The following ADPRHL1 variants were observed in gnomAD, a reference collection of about 807,000 sequenced individuals.
ADPRHL1 encodes the protein ADP-ribosylhydrolase like 1.
Under a neutral mutation model 44.1 loss-of-function variants are expected in ADPRHL1, and 43 were observed. That is an observed-to-expected ratio of 0.98 (90% CI 0.76 to 1.26). ADPRHL1 has a LOEUF of 1.26. Ranked by LOEUF, ADPRHL1 falls within the 50% of genes most tolerant of loss-of-function variation. ADPRHL1 has a pLI of 0.00. For missense variants in ADPRHL1, 2,022 were observed against 2,496.9 expected, an observed-to-expected ratio of 0.81 and a Z score of 4.05; for synonymous variants, 878 against 1,017.4, an observed-to-expected ratio of 0.86 and a Z score of 2.61.
chr13:113,450,888 C>G (rs1006461800), intron 1 of ADPRHL1, among the ~76,000 whole-genome samples: 13 of 152,004 alleles, frequency 8.6e-5, no homozygotes, highest in Non-Finnish European at 1.6e-4. Flanking sequence ...GAGCCTGACT[C>G]ATGTCAGGCC....
chr13:113,415,417 C>T (rs915466370), intron 7 of ADPRHL1, among the ~76,000 whole-genome samples: 2 of 152,166 alleles, frequency 1.3e-5, no homozygotes, highest in Non-Finnish European at 2.9e-5. Flanking sequence ...GGCTCAGTGG[C>T]CGGCTCCAGG....
At chr13:113,448,942 A>G in intron 1 of ADPRHL1, 2 of 985,470 alleles carry the variant, frequency 2.0e-6, no homozygotes, top group Non-Finnish European at 2.4e-6. Flanking sequence ...ATACCCGAGC[A>G]ATGGCCGAGC....
chr13:113,414,176 C>T (rs995549768), intron 7 of ADPRHL1, among the ~76,000 whole-genome samples: 5 of 152,204 alleles, frequency 3.3e-5, no homozygotes, highest in Non-Finnish European at 5.9e-5. Context: ...GGGCCTGCAA[C>T]TGTCTGGCTG....
intron 4 of ADPRHL1, among the ~76,000 whole-genome samples, chr13:113,425,710 T>A (rs2043963818): frequency 7.5e-6 from 1 of 133,618 alleles, no homozygotes; most frequent in Admixed American, 7.8e-5. Flanking sequence ...AGACGGAGTC[T>A]CTCTCTGTTG....
chr13:113,444,700 GCAAAC>G, intron 1 of ADPRHL1, 111 bp from the exon 2 acceptor site: 1 of 1,309,482 alleles, frequency 7.6e-7, no homozygotes, highest in Non-Finnish European at 1.1e-6. Flanking sequence ...GGCAGACACT[GCAAAC>G]TCTGCCTCCC....
chr13:113,424,519 A>G (rs1226892980), intron 5 of ADPRHL1, among the ~76,000 whole-genome samples, 170 bp from the exon 6 acceptor site: 1 of 152,026 alleles, frequency 6.6e-6, no homozygotes, highest in African/African-American at 2.4e-5. Flanking sequence ...CAATGATACA[A>G]TCTCAGCTCA....
chr13:113,428,874 G>A, intron 4 of ADPRHL1, 78 bp downstream of exon 4: 2 of 1,587,894 alleles, frequency 1.3e-6, no homozygotes. Flanking sequence ...GTGCCTTGAA[G>A]TATTTGGGGG....
At chr13:113,424,089 G>A (rs778795138) in intron 6 of ADPRHL1, 128 bp downstream of exon 6, 7 of 1,309,198 alleles carry the variant, frequency 5.3e-6, no homozygotes, top group Non-Finnish European at 7.2e-6. Context: ...GAAAGGAAGA[G>A]ATGGACGCAC....
At chr13:113,427,560 C>A (rs1356079521) in intron 4 of ADPRHL1, among the ~76,000 whole-genome samples, 1 of 150,764 alleles carries the variant, frequency 6.6e-6, no homozygotes, top group Non-Finnish European at 1.5e-5. Context: ...TTTTTTGAGA[C>A]GGAGTCTCTG....
chr13:113,421,359 A>G (rs1339081378), intron 7 of ADPRHL1, among the ~76,000 whole-genome samples: 1 of 119,662 alleles, frequency 8.4e-6, no homozygotes, highest in South Asian at 3.0e-4. Context: ...CACTCCCGGG[A>G]CACCTCTACC....
intron 3 of ADPRHL1, among the ~76,000 whole-genome samples, chr13:113,430,674 G>A (rs560766995): frequency 1.1e-3 from 166 of 151,932 alleles, no homozygotes; most frequent in Non-Finnish European, 1.6e-3. Context: ...TGGCTGTACT[G>A]GTGACAAAAG....
chr13:113,413,454 C>T lies in ADPRHL1; in HGVS notation c.1062-5234G>A, dbSNP rs1252823831. ...GGGAACAGCGTGGACGCCAGGAACG[C>T]CCCCAAGTCATGGACTGAGAGGGGG... On this transcript the variant is annotated intron_variant, in intron 7 of 7. Transcript: ENST00000612156. Among the ~76,000 whole-genome samples the T allele has an allele frequency of 3.3e-5, 5 of 152,362 alleles. No homozygotes were observed. In the East Asian group the frequency reaches 5.8e-4, roughly 18 times the overall value.
chr13:113,418,352 C>T (rs1369783182), intron 7 of ADPRHL1, among the ~76,000 whole-genome samples: 1 of 152,210 alleles, frequency 6.6e-6, no homozygotes, highest in Admixed American at 6.5e-5. Flanking sequence ...CTGGGCTTCG[C>T]CACTTCCTCG....
rs1447026888 is a variant in ADPRHL1, at chr13:113,407,803, C to A, written c.1479G>T (p.Trp493Cys). The A allele has an allele frequency of 1.2e-5, 15 of 1,231,866 alleles. No individual in the cohort carries two copies. The highest frequency in any genetic ancestry group is 3.1e-5 in the African/African-American group (2 of 64,440). 76.3% of individuals were successfully genotyped at this position (1,231,866 alleles called of 1,614,324 possible). ...PKPCLSEKPRWGHPAGKSTVK... is the reference protein window; with the variant it reads ...PKPCLSEKPRCGHPAGKSTVK... ...CGGTGCTCTTCCCGGCCGGGTGGCC[C>A]CAGCGGGGCTTCTCGCTGAGGCAGG... The change falls in exon 8 of 8, where the codon TGG becomes TGT. Residue 493 changes from tryptophan (W) to cysteine (C), a missense_variant. Transcript: ENST00000612156.
intron 3 of ADPRHL1, among the ~76,000 whole-genome samples, chr13:113,430,605 T>G (rs1441478035): frequency 6.6e-6 from 1 of 151,912 alleles, no homozygotes; most frequent in African/African-American, 2.4e-5. Context: ...GACGGTATCA[T>G]GTGGAGGAAC....
intron 7 of ADPRHL1, 137 bp from the exon 8 acceptor site, chr13:113,408,357 C>T: frequency 1.1e-6 from 1 of 933,470 alleles, no homozygotes; most frequent in Non-Finnish European, 1.4e-6. Flanking sequence ...GATTAGGAGC[C>T]AGGAGCTGTG....
chr13:113,421,280 T>C (rs1480667351), intron 7 of ADPRHL1, among the ~76,000 whole-genome samples: 3 of 7,204 alleles, frequency 4.2e-4, no homozygotes, highest in African/African-American at 1.7e-3. Context: ...CCGGGACACC[T>C]CTACCCCCGG....
Position 113,406,878 on chromosome 13 carries a change from C to A in ADPRHL1, c.2404G>T (p.Asp802Tyr). The A allele has an allele frequency of 8.1e-7, 1 of 1,232,350 alleles. No individual in the cohort carries two copies. Among genetic ancestry groups the A allele is most frequent in the Non-Finnish European group, 1.0e-6 (1 of 988,264 alleles). The allele number at this position is 1,232,350 out of a possible 1,614,324, so 76.3% of individuals were successfully genotyped here. A position where few individuals can be genotyped will look rare whatever the true frequency, so the allele number is the denominator to read the frequency against. ...EGAGFPDPGR[D>Y]PLFATQKYFP... ...TACTTCTGGGTGGCAAAGAGGGGGT[C>A]TCTCCCTGGGTCTGGGAAGCCTGCT... The change falls in exon 8 of 8, where the codon GAC becomes TAC. Residue 802 changes from aspartate to tyrosine, a missense_variant. Physicochemically the swap from Asp to Tyr is radical, Grantham distance 160. Coordinates refer to ENST00000612156, the MANE Select transcript of ADPRHL1 (RefSeq NM_001394807.1).
At chr13:113,447,047 G>A (rs1218005553) in intron 1 of ADPRHL1, among the ~76,000 whole-genome samples, 3 of 148,582 alleles carry the variant, frequency 2.0e-5, no homozygotes, top group African/African-American at 5.0e-5. Context: ...CTACATGCAC[G>A]GTGTTGTGTG....
Sources: allele counts gnomAD v4.1 joint callset (sites outside exome capture counted in the v4.1 genomes callset), GRCh38; gene constraint gnomAD v4.1.1; transcripts MANE v1.5; gene names NCBI Gene and HGNC (gene_info 2026-07-23, HGNC 2026-07-21).